CTNNA3: variants seen among roughly 807,000 people sequenced by gnomAD.
The protein encoded by CTNNA3 is catenin alpha-3.
A neutral mutation model predicts 95.7 loss-of-function variants in CTNNA3; 76 were observed. That is an observed-to-expected ratio of 0.79 (90% CI 0.66 to 0.96). The LOEUF (loss-of-function observed/expected upper bound fraction) is 0.96, where lower values mean the gene tolerates loss of function less well. CTNNA3 is among the 40% of genes least tolerant of loss of function. The pLI, the probability that CTNNA3 is intolerant of heterozygous loss-of-function variation, is 0.00. For missense variants in CTNNA3, 1,191 were observed against 1,089.8 expected (o/e 1.09, Z -1.31); for synonymous variants, 431 against 374.4 (o/e 1.15, Z -1.74).
chr10:67,020,432 C>T (rs1476733689), intron 7 of CTNNA3, among the ~76,000 whole-genome samples: 3 of 152,160 alleles, frequency 2.0e-5, no homozygotes, highest in Non-Finnish European at 4.4e-5. Flanking sequence ...GATATTGTAA[C>T]TTATCTCAAT....
chr10:66,635,990 C>CTGTGTGTGTGTG (rs10527642), intron 9 of CTNNA3, among the ~76,000 whole-genome samples: 27 of 145,944 alleles, frequency 1.9e-4, no homozygotes, highest in Admixed American at 3.4e-4. Context: ...TGGAAGAACA[C>CTGTGTGTGTGTG]TGTGTGTGTG....
chr10:67,515,942 GT>G (rs1260612526), intron 5 of CTNNA3, among the ~76,000 whole-genome samples: 14 of 152,008 alleles, frequency 9.2e-5, no homozygotes, highest in African/African-American at 2.9e-4. Flanking sequence ...AGATACACAT[GT>G]TCTTTATCTT....
chr10:67,150,286 T>C (rs1861031878), intron 7 of CTNNA3, among the ~76,000 whole-genome samples: 2 of 152,216 alleles, frequency 1.3e-5, no homozygotes, highest in Admixed American at 1.3e-4. Context: ...CTTCAATATC[T>C]ACTTTTAATT....
intron 9 of CTNNA3, among the ~76,000 whole-genome samples, chr10:66,736,559 T>G (rs1023733275): frequency 6.6e-6 from 1 of 152,060 alleles, no homozygotes; most frequent in African/African-American, 2.4e-5. Context: ...TGCTCCATCT[T>G]ACCTGTTTAT....
At chr10:67,522,428 C>T (rs374575308) in intron 4 of CTNNA3, among the ~76,000 whole-genome samples, 2 of 151,976 alleles carry the variant, frequency 1.3e-5, no homozygotes, top group East Asian at 3.8e-4. Context: ...TGGCTTGCCT[C>T]TATAATAATA....
chr10:66,611,184 TTAGA>T (rs1374394369), intron 10 of CTNNA3, among the ~76,000 whole-genome samples: 7 of 152,090 alleles, frequency 4.6e-5, no homozygotes, highest in Middle Eastern at 3.4e-3. Flanking sequence ...ACAAAAATAG[TTAGA>T]TAGAAAAAGT....
intron 1 of CTNNA3, among the ~76,000 whole-genome samples, chr10:67,752,208 A>T (rs1841411314): frequency 1.3e-5 from 2 of 152,222 alleles, no homozygotes; most frequent in Admixed American, 6.5e-5. Context: ...CATAAACAGA[A>T]CTAAAGACAA....
intron 17 of CTNNA3, among the ~76,000 whole-genome samples, chr10:65,943,921 G>A (rs1296531407): frequency 6.6e-6 from 1 of 152,174 alleles, no homozygotes; most frequent in Non-Finnish European, 1.5e-5. Flanking sequence ...GATTTAGCAA[G>A]CCAGCTATTC....
chr10:67,521,562 T>C (rs1024711335), intron 5 of CTNNA3, among the ~76,000 whole-genome samples: 3 of 151,962 alleles, frequency 2.0e-5, no homozygotes, highest in African/African-American at 7.3e-5. Context: ...GAAGCGTCCC[T>C]AGTCAAAGGG....
chr10:67,558,158 G>A (rs890618767), intron 3 of CTNNA3, among the ~76,000 whole-genome samples: 4 of 151,918 alleles, frequency 2.6e-5, no homozygotes, highest in African/African-American at 9.7e-5. Context: ...CATCTTTTTT[G>A]CAGAACCTGA....
chr10:66,955,988 T>C (rs1237010074), intron 7 of CTNNA3, among the ~76,000 whole-genome samples: 1 of 152,098 alleles, frequency 6.6e-6, no homozygotes, highest in African/African-American at 2.4e-5. Context: ...AAAGGGGTGC[T>C]CAAATCTAAC....
chr10:66,948,276 T>C (rs1848374934), intron 7 of CTNNA3, among the ~76,000 whole-genome samples: 1 of 152,172 alleles, frequency 6.6e-6, no homozygotes, highest in Non-Finnish European at 1.5e-5. Context: ...TATAACATAG[T>C]ACCATGTACA....
At chr10:67,653,892 A>C (rs1405103928) in intron 1 of CTNNA3, among the ~76,000 whole-genome samples, 1 of 152,134 alleles carries the variant, frequency 6.6e-6, no homozygotes, top group Non-Finnish European at 1.5e-5. Flanking sequence ...TCCCTGCTCA[A>C]CGAGTGCAAA....
intron 3 of CTNNA3, among the ~76,000 whole-genome samples, chr10:67,570,915 G>A (rs976212754): frequency 6.6e-6 from 1 of 152,156 alleles, no homozygotes; most frequent in African/African-American, 2.4e-5. Flanking sequence ...TAGATGGAAA[G>A]TGAAGTTGGA....
chr10:67,616,875 GTT>G (rs1843674861), intron 2 of CTNNA3, among the ~76,000 whole-genome samples: 1 of 152,096 alleles, frequency 6.6e-6, no homozygotes, highest in African/African-American at 2.4e-5. Context: ...TTGCAAAGAC[GTT>G]TGGGGAAAAA....
intron 9 of CTNNA3, among the ~76,000 whole-genome samples, chr10:66,655,735 C>T (rs944237290): frequency 2.0e-5 from 3 of 151,988 alleles, no homozygotes; most frequent in Non-Finnish European, 4.4e-5. Flanking sequence ...GAAAGCACTG[C>T]AGAGACACTG....
At chr10:66,750,282 T>G (rs1175173037) in intron 9 of CTNNA3, among the ~76,000 whole-genome samples, 1 of 152,234 alleles carries the variant, frequency 6.6e-6, no homozygotes, top group Non-Finnish European at 1.5e-5. Context: ...ATCTAAAAAG[T>G]TGTTGCCATT....
intron 15 of CTNNA3, among the ~76,000 whole-genome samples, chr10:66,012,282 C>T (rs1358453406): frequency 2.0e-5 from 3 of 151,932 alleles, no homozygotes; most frequent in Non-Finnish European, 4.4e-5. Flanking sequence ...AAAACTGGGT[C>T]ATATGATAAA....
At chr10:66,450,103 T>C (rs535312050) in intron 11 of CTNNA3, among the ~76,000 whole-genome samples, 4 of 152,162 alleles carry the variant, frequency 2.6e-5, no homozygotes, top group African/African-American at 9.6e-5. Flanking sequence ...TTCTGCAGTT[T>C]AGAGAGTAAT....
Sources: gnomAD v4.1 joint callset for allele counts (sites outside exome capture counted in the v4.1 genomes callset) on GRCh38, gnomAD v4.1.1 for gene constraint, MANE v1.5 for transcripts, NCBI Gene and HGNC (gene_info 2026-07-23, HGNC 2026-07-21) for gene names.